Variants in SLCO3A1 observed in about 807,000 individuals in gnomAD.
SLCO3A1 encodes the protein solute carrier organic anion transporter family member 3A1.
In SLCO3A1, 27 loss-of-function variants were observed where a neutral mutation model predicts 63.1. The observed-to-expected ratio is 0.43, with a 90% CI of 0.32 to 0.59. The LOEUF is 0.59. Among genes scored for constraint, SLCO3A1 ranks in the 20% least tolerant of loss-of-function variants. The probability of loss-of-function intolerance (pLI) is 0.09; values close to 1 mark genes in which losing one functional copy is unlikely to be tolerated. For missense variants in SLCO3A1, 773 were observed against 945.8 expected (o/e 0.82, Z 2.40); for synonymous variants, 473 against 409.9 (o/e 1.15, Z -1.86).
At chr15:92,113,016 G>A (rs1481094851) in intron 4 of SLCO3A1, among the ~76,000 whole-genome samples, 1 of 152,206 alleles carries the variant, frequency 6.6e-6, no homozygotes, top group African/African-American at 2.4e-5. Context: ...GTTCTTAGGG[G>A]CTGGCCTGGA....
At chr15:91,973,079 C>T (rs1330267027) in intron 2 of SLCO3A1, among the ~76,000 whole-genome samples, 3 of 152,230 alleles carry the variant, frequency 2.0e-5, no homozygotes, top group Non-Finnish European at 4.4e-5. Flanking sequence ...CACGCCATTG[C>T]ACTCCAGTCT....
intron 2 of SLCO3A1, among the ~76,000 whole-genome samples, chr15:92,044,879 C>T (rs1344779737): frequency 3.3e-5 from 5 of 152,292 alleles, no homozygotes; most frequent in Non-Finnish European, 7.4e-5. Context: ...CCTCGCAACA[C>T]CTGCTCTGTG....
intron 2 of SLCO3A1, among the ~76,000 whole-genome samples, chr15:91,995,178 A>T (rs1374639781): frequency 6.6e-6 from 1 of 152,146 alleles, no homozygotes; most frequent in Non-Finnish European, 1.5e-5. Context: ...GCCAGAGGTG[A>T]TGCTGTTGGA....
At position 91,912,285 on chromosome 15, in the gene SLCO3A1, G is replaced by T. The variant is rs1898511214; in HGVS notation, c.181-3708G>T. 6.6e-6 allele frequency among the ~76,000 whole-genome samples: 1 copy of T among 152,126 alleles called. No individual in the cohort carries two copies. The highest frequency in any genetic ancestry group is 2.4e-5 in the African/African-American group (1 of 41,410). On this transcript the variant is annotated intron_variant, in intron 1 of 9. Transcript: ENST00000318445. This position sits in a 1 kb window ranked among gnomAD's most constrained non-coding sequence, Gnocchi z 5.0. The stretch of plus-strand genomic sequence containing the variant: ...CTTCTCAAAATTGTGTTTTAAATGA[G>T]TGAAAACATTAGCCTCTGATCTAAT...
At chr15:92,091,219 A>G (rs1344131297) in intron 2 of SLCO3A1, among the ~76,000 whole-genome samples, 2 of 152,258 alleles carry the variant, frequency 1.3e-5, no homozygotes, top group South Asian at 4.1e-4. Context: ...AGTGCTTTCA[A>G]TTATCCAGGG....
chr15:92,113,799 A>G (rs956534604), intron 4 of SLCO3A1, among the ~76,000 whole-genome samples: 4 of 152,186 alleles, frequency 2.6e-5, no homozygotes, highest in African/African-American at 9.6e-5. Flanking sequence ...ACGCAAGGGA[A>G]TGGCTTAGAC....
At chr15:91,951,900 G>A (rs1324438301) in intron 2 of SLCO3A1, among the ~76,000 whole-genome samples, 1 of 152,038 alleles carries the variant, frequency 6.6e-6, no homozygotes, top group East Asian at 1.9e-4. Flanking sequence ...ATTCTCTTTT[G>A]TATATACCGA....
intron 9 of SLCO3A1, among the ~76,000 whole-genome samples, chr15:92,158,641 G>C (rs1008067841): frequency 6.6e-6 from 1 of 152,098 alleles, no homozygotes; most frequent in African/African-American, 2.4e-5. Context: ...TTTTTGTTTG[G>C]TCCAACTGAG....
chr15:92,139,973 T>G (rs1011554921), intron 7 of SLCO3A1, among the ~76,000 whole-genome samples: 27 of 146,222 alleles, frequency 1.8e-4, no homozygotes, highest in Non-Finnish European at 3.6e-4. Context: ...GTGTCTCTAT[T>G]TCCTTCAGTT....
chr15:91,973,566 T>C lies in SLCO3A1; in HGVS notation c.646+57108T>C, dbSNP rs574732714. Among the ~76,000 whole-genome samples, 7 of 152,334 alleles carry C rather than the reference T, an allele frequency of 4.6e-5. No individual in the cohort carries two copies. The East Asian group carries it at 5.8e-4, about 13-fold the overall frequency. ...AAGGGAATGAAGTTGAGTGAGCGAT[T>C]GCAGGATTCGAGGGCGAGTTAGGGC... On this transcript the variant is annotated intron_variant, in intron 2 of 9. Coordinates refer to ENST00000318445, the MANE Select transcript of SLCO3A1 (RefSeq NM_013272.4).
chr15:91,931,791 ACACACACACG>A (rs1176688134), intron 2 of SLCO3A1, among the ~76,000 whole-genome samples: 3 of 135,352 alleles, frequency 2.2e-5, no homozygotes, highest in East Asian at 2.0e-4. Context: ...GTGTGGAAAC[ACACACACACG>A]CACACACACA....
At chr15:92,135,519 G>A (rs2048046281) in intron 7 of SLCO3A1, among the ~76,000 whole-genome samples, 1 of 152,210 alleles carries the variant, frequency 6.6e-6, no homozygotes, top group Non-Finnish European at 1.5e-5. Context: ...TGATCTTGCA[G>A]GTTGCCATTG....
chr15:92,126,268 T>C lies in SLCO3A1; in HGVS notation c.1373+9T>C. 6.2e-7 allele frequency: 1 copy of C among 1,612,018 alleles called. No individual in the cohort carries two copies. The highest frequency in any genetic ancestry group is 1.7e-4 in the Middle Eastern group (1 of 6,058). ...GTTCCCTATGGAAACAGGTGAGTAC[T>C]GGCAGTGTCTGCCGCCTTCCTGCCT... On this transcript the variant is annotated intron_variant, in intron 6 of 9. Transcript: ENST00000318445.
rs113869714 is a variant in SLCO3A1, at chr15:91,860,556, G to A, written c.180+6468G>A. On this transcript the variant is annotated intron_variant, in intron 1 of 9. Transcript: ENST00000318445. The surrounding 1 kb of genome is among the most constrained non-coding windows in gnomAD (Gnocchi z 5.5). ...CTGAGGATTTGGAATATTGTGTGAGGCCAAGGCTTCTGTTTCCTAAACTGG... is the reference window on the plus strand; with the variant it reads ...CTGAGGATTTGGAATATTGTGTGAGACCAAGGCTTCTGTTTCCTAAACTGG... Among the ~76,000 whole-genome samples, 31 of 152,194 alleles carry A rather than the reference G, an allele frequency of 2.0e-4. No homozygotes were observed. Among genetic ancestry groups the A allele is most frequent in the African/African-American group, 7.0e-4 (29 of 41,460 alleles).
At chr15:92,082,821 C>T (rs930547303) in intron 2 of SLCO3A1, among the ~76,000 whole-genome samples, 3 of 152,312 alleles carry the variant, frequency 2.0e-5, no homozygotes, top group East Asian at 1.9e-4. Context: ...ACCACTGTGC[C>T]GTGATACCTG....
chr15:92,065,128 G>GC (rs1359562567), intron 2 of SLCO3A1, among the ~76,000 whole-genome samples: 1 of 152,224 alleles, frequency 6.6e-6, no homozygotes, highest in African/African-American at 2.4e-5. Context: ...TGTCACCCAA[G>GC]CTGGAGTTCA....
At chr15:91,951,548 TTTTTC>T (rs1487888292) in intron 2 of SLCO3A1, among the ~76,000 whole-genome samples, 1 of 150,692 alleles carries the variant, frequency 6.6e-6, no homozygotes. Flanking sequence ...TTTTCTTTCT[TTTTTC>T]TTTTCTTTTT....
chr15:91,881,349 C>G (rs933015194), intron 1 of SLCO3A1, among the ~76,000 whole-genome samples: 9 of 151,946 alleles, frequency 5.9e-5, no homozygotes, highest in Admixed American at 1.3e-4. Context: ...AATTTAAACA[C>G]CAAAACTGTT....
At chr15:91,951,761 G>A (rs763626551) in intron 2 of SLCO3A1, among the ~76,000 whole-genome samples, 90 of 152,138 alleles carry the variant, frequency 5.9e-4, no homozygotes, top group Non-Finnish European at 1.0e-3. Context: ...CACCATGTTG[G>A]CCAGGTTGGT....
Sources: gnomAD v4.1 joint callset for allele counts (sites outside exome capture counted in the v4.1 genomes callset) on GRCh38, gnomAD v4.1.1 for gene constraint, Gnocchi (gnomAD v3.1) non-coding constraint, MANE v1.5 for transcripts, NCBI Gene and HGNC (gene_info 2026-07-23, HGNC 2026-07-21) for gene names.